FKBP5: variants seen among roughly 807,000 people sequenced by gnomAD.
FKBP5 encodes the protein peptidyl-prolyl cis-trans isomerase FKBP5.
FKBP5 carries 23 observed loss-of-function variants against 50.5 expected under a neutral mutation model. The observed-to-expected ratio is 0.46, with a 90% CI of 0.33 to 0.65. The LOEUF (loss-of-function observed/expected upper bound fraction) is 0.65. Among genes scored for constraint, FKBP5 ranks in the 30% least tolerant of loss-of-function variants. FKBP5 has a pLI of 0.02. For synonymous variants in FKBP5, 176 were observed against 190.6 expected (o/e 0.92, Z 0.63); for missense variants, 411 against 553.1 (o/e 0.74, Z 2.58).
At chr6:35,691,938 C>T (rs930146830), upstream of FKBP5, among the ~76,000 whole-genome samples, 4 of 152,082 alleles carry the variant, frequency 2.6e-5, no homozygotes, top group Non-Finnish European at 5.9e-5. Flanking sequence ...CTGCTGCCGC[C>T]GTCTTGAAAT....
chr6:35,700,416 G>C (rs1361112661), intron 2 of FKBP5, among the ~76,000 whole-genome samples: 2 of 152,182 alleles, frequency 1.3e-5, no homozygotes, highest in African/African-American at 2.4e-5. Flanking sequence ...GCAGGTCACA[G>C]AGCAGCCCAG....
chr6:35,695,954 C>G (rs978435749), intron 2 of FKBP5, among the ~76,000 whole-genome samples: 1 of 150,006 alleles, frequency 6.7e-6, no homozygotes. Flanking sequence ...ACCATCCTGG[C>G]TAACACGGTG....
intron 2 of FKBP5, among the ~76,000 whole-genome samples, chr6:35,707,491 G>C (rs141155008): frequency 6.6e-6 from 1 of 152,032 alleles, no homozygotes; most frequent in Admixed American, 6.6e-5. Flanking sequence ...AAAGTGCTGG[G>C]ATTACAGGCG....
chr6:35,674,922 T>C (rs964579402), intron 1 of FKBP5, among the ~76,000 whole-genome samples: 2 of 152,256 alleles, frequency 1.3e-5, no homozygotes, highest in Admixed American at 6.5e-5. Context: ...TTTGTGCATA[T>C]GTTCTGTCCT....
chr6:35,724,914 A>G (rs1267517574), intron 1 of FKBP5, among the ~76,000 whole-genome samples: 1 of 152,150 alleles, frequency 6.6e-6, no homozygotes. Context: ...AGTAAATGGG[A>G]TCCTGTAAAT....
At chr6:35,678,518 A>G (rs1475347025) in intron 1 of FKBP5, among the ~76,000 whole-genome samples, 1 of 152,226 alleles carries the variant, frequency 6.6e-6, no homozygotes, top group Non-Finnish European at 1.5e-5. Flanking sequence ...ACCTTATTCT[A>G]CAGATACGGA....
intron 1 of FKBP5, among the ~76,000 whole-genome samples, chr6:35,656,890 C>G (rs547246010): frequency 3.2e-5 from 3 of 94,558 alleles, no homozygotes; most frequent in South Asian, 7.2e-4. Flanking sequence ...AGCAAGACTC[C>G]GTCTCAAAAA....
At chr6:35,589,429 T>G (rs1434582872) in intron 7 of FKBP5, among the ~76,000 whole-genome samples, 2 of 152,108 alleles carry the variant, frequency 1.3e-5, no homozygotes, top group Admixed American at 6.6e-5. Flanking sequence ...GCGCCCAGCC[T>G]GGCCTAGTCT....
At chr6:35,633,107 T>C (rs1386992693) in intron 3 of FKBP5, among the ~76,000 whole-genome samples, 1 of 152,182 alleles carries the variant, frequency 6.6e-6, no homozygotes, top group African/African-American at 2.4e-5. Flanking sequence ...AGGATGACTT[T>C]CCATTGAAAT....
At chr6:35,700,784 CCT>C (rs138271019) in intron 2 of FKBP5, among the ~76,000 whole-genome samples, 4,205 of 152,108 alleles carry the variant, frequency 0.028, 120 homozygotes, top group African/African-American at 0.068. Context: ...ATGGCGAAAC[CCT>C]GTCTCTACTA....
intron 5 of FKBP5, among the ~76,000 whole-genome samples, chr6:35,603,402 C>T (rs1219665304): frequency 1.3e-5 from 2 of 152,064 alleles, no homozygotes; most frequent in Admixed American, 6.5e-5. Context: ...TTCTTTTGTG[C>T]CTCACAGTAC....
chr6:35,610,363 G>A lies in FKBP5; in HGVS notation c.508+8733C>T, dbSNP rs796564355. Among the ~76,000 whole-genome samples the A allele has an allele frequency of 3.3e-5, 5 of 151,806 alleles. 1 individual carries two copies. Among genetic ancestry groups the A allele is most frequent in the African/African-American group, 7.2e-5 (3 of 41,410 alleles). ...AGGTGGATCACGAGGTCAGGAGATCGAGACCATCCTGGCTAACACGGTGAA... is the reference window on the plus strand; with the variant it reads ...AGGTGGATCACGAGGTCAGGAGATCAAGACCATCCTGGCTAACACGGTGAA... On this transcript the variant is annotated intron_variant, in intron 5 of 10. Coordinates refer to ENST00000357266, the MANE Select transcript of FKBP5 (RefSeq NM_004117.4).
At chr6:35,706,840 T>C (rs9394313) in intron 2 of FKBP5, among the ~76,000 whole-genome samples, 115,887 of 152,178 alleles carry the variant, frequency 0.76, 44,732 homozygotes, top group African/African-American at 0.9. Context: ...GATTGTTTTA[T>C]TAAATTATGG....
chr6:35,636,062 T>G (rs1168497979), intron 3 of FKBP5, among the ~76,000 whole-genome samples: 1 of 152,244 alleles, frequency 6.6e-6, no homozygotes, highest in East Asian at 1.9e-4. Flanking sequence ...ATGAATTGTT[T>G]ATTCACACAT....
At chr6:35,682,818 G>C (rs1029175250) in intron 1 of FKBP5, among the ~76,000 whole-genome samples, 3 of 151,468 alleles carry the variant, frequency 2.0e-5, no homozygotes, top group Non-Finnish European at 4.4e-5. Context: ...TGAGACAAGA[G>C]GATTGCTTGA....
intron 1 of FKBP5, among the ~76,000 whole-genome samples, chr6:35,720,942 G>A (rs1388785980): frequency 6.6e-6 from 1 of 152,164 alleles, no homozygotes; most frequent in Non-Finnish European, 1.5e-5. Flanking sequence ...AGGAAACTGA[G>A]GCTTAAAGTG....
intron 2 of FKBP5, among the ~76,000 whole-genome samples, chr6:35,705,561 G>A (rs923330311): frequency 6.6e-6 from 1 of 151,554 alleles, no homozygotes; most frequent in African/African-American, 2.4e-5. Context: ...CACTGTGCCC[G>A]GCCTGCAAAT....
chr6:35,647,382 C>T (rs189404745), intron 1 of FKBP5, among the ~76,000 whole-genome samples: 38 of 152,342 alleles, frequency 2.5e-4, no homozygotes, highest in Non-Finnish European at 3.7e-4. Context: ...ACTTCCTCTC[C>T]CCAGGAAGAT....
At chr6:35,616,252 T>C (rs1226850757) in intron 5 of FKBP5, among the ~76,000 whole-genome samples, 2 of 140,572 alleles carry the variant, frequency 1.4e-5, no homozygotes, top group Admixed American at 7.9e-5. Context: ...GAGGTGGAGG[T>C]TGCAGTGAGC....
Sources: allele counts gnomAD v4.1 joint callset (sites outside exome capture counted in the v4.1 genomes callset), GRCh38; gene constraint gnomAD v4.1.1; transcripts MANE v1.5; gene names NCBI Gene and HGNC (gene_info 2026-07-23, HGNC 2026-07-21).